CEP131: variants seen among roughly 807,000 people sequenced by gnomAD.
CEP131 encodes centrosomal protein 131, also known as centrosomal protein of 131 kDa.
Under a neutral mutation model 136.8 loss-of-function variants are expected in CEP131, and 99 were observed. The ratio of observed to expected loss-of-function variants is 0.72; its 90% CI spans 0.62 to 0.86. The LOEUF (loss-of-function observed/expected upper bound fraction) is 0.86. CEP131 is among the 40% of genes least tolerant of loss of function. The pLI is 0.00. For missense variants in CEP131, 1,459 were observed against 1,463.0 expected (o/e 1.00, Z 0.04); for synonymous variants, 646 against 612.7 (o/e 1.05, Z -0.80).
chr17:81,192,693 G>A (rs900505906), intron 19 of CEP131, 43 bp downstream of exon 19: 19 of 1,437,118 alleles, frequency 1.3e-5, no homozygotes, highest in Admixed American at 3.8e-5. Context: ...GGGTCAGCCA[G>A]CGAGGGGTCC....
Position 81,198,923 on chromosome 17 carries a change from G to T in CEP131, c.1241C>A (p.Ser414Tyr). The T allele has an allele frequency of 6.3e-7, 1 of 1,593,272 alleles. No homozygotes were observed. Among genetic ancestry groups the T allele is most frequent in the Non-Finnish European group, 8.5e-7 (1 of 1,171,078 alleles). Residue 414 changes from serine (S) to tyrosine (Y), a missense_variant, in exon 11 of 26, where the codon TCC becomes TAC. This residue lies in a region of CEP131 where 1,026 missense variants were observed against 964.2 expected (regional missense o/e 1.06). Coordinates refer to ENST00000450824, the MANE Select transcript of CEP131 (RefSeq NM_014984.4). ...AGPGDRCLPT[S>Y]DSSPEPQQPP... ...CTGCTGTGGTTCTGGGGATGAGTCGGAGGTGGGCAGGCAGCGGTCTCCGGG... is the reference window on the plus strand; with the variant it reads ...CTGCTGTGGTTCTGGGGATGAGTCGTAGGTGGGCAGGCAGCGGTCTCCGGG...
In CEP131 at chr17:81,199,750, T is replaced by A. The variant is rs2061848441; in HGVS notation, c.992A>T (p.Lys331Met). The A allele has an allele frequency of 6.2e-7, 1 of 1,610,696 alleles. No homozygotes were observed. The highest frequency in any genetic ancestry group is 1.3e-5 in the African/African-American group (1 of 74,926). ...EAARRKAREE[K>M]ARQARRAAIQ... ...GGCTGCTCGCCTGGCTTGGCGTGCC[T>A]TCTCCTCCCGGGCCTTCCTCCTGGC... The change falls in exon 9 of 26, where the codon AAG (lysine) becomes ATG (methionine). Residue 331 changes from lysine to methionine, a missense_variant. Physicochemically the swap from Lys to Met is moderately conservative, Grantham distance 95. Coordinates refer to ENST00000450824, the MANE Select transcript of CEP131 (RefSeq NM_014984.4).
intron 2 of CEP131, 149 bp from the exon 3 acceptor site, chr17:81,209,171 T>C (rs1293179425): frequency 3.1e-6 from 2 of 635,352 alleles, no homozygotes; most frequent in Non-Finnish European, 5.5e-6. Context: ...AGGCAGTGGG[T>C]GGTCAGAGGG....
intron 13 of CEP131, chr17:81,197,371 G>T: frequency 2.0e-6 from 1 of 493,632 alleles, no homozygotes. Flanking sequence ...GTTCACCCAG[G>T]ACAAACCAAC....
chr17:81,196,914 G>GTGCCAGCAGCGT lies in CEP131; in HGVS notation c.1773+4_1773+15dup. 1 of 1,608,938 alleles carries GTGCCAGCAGCGT rather than the reference G, an allele frequency of 6.2e-7. No homozygotes were observed. Among genetic ancestry groups the GTGCCAGCAGCGT allele is most frequent in the African/African-American group, 1.3e-5 (1 of 74,986 alleles). On this transcript the variant is annotated intron_variant, in intron 14 of 25. Coordinates refer to ENST00000450824, the MANE Select transcript of CEP131 (RefSeq NM_014984.4). The stretch of plus-strand genomic sequence containing the variant: ...AGGCTAGCAGGGCCCGGGATTAGCA[G>GTGCCAGCAGCGT]TGCCAGCAGCGTTACCAGCGCTCTC...
chr17:81,200,000 T>C, intron 8 of CEP131, 165 bp from the exon 9 acceptor site: 1 of 712,416 alleles, frequency 1.4e-6, no homozygotes, highest in East Asian at 2.6e-5. Context: ...GCCATTTCTC[T>C]GCTCTACAGA....
chr17:81,194,769 C>A, intron 17 of CEP131, 101 bp downstream of exon 17: 1 of 990,012 alleles, frequency 1.0e-6, no homozygotes, highest in East Asian at 2.4e-5. Flanking sequence ...CCAGGAAGGT[C>A]TCGGACTACA....
In CEP131 at chr17:81,206,877, A is replaced by G. The variant is rs755404543; in HGVS notation, c.388-6T>C. ...AAGCCCCGGGGCTGGTCATCCTGTCAGACAGCTCAGCCCATGACACCGCCC... is the reference window on the plus strand; with the variant it reads ...AAGCCCCGGGGCTGGTCATCCTGTCGGACAGCTCAGCCCATGACACCGCCC... On this transcript the variant is annotated splice_polypyrimidine_tract_variant and splice_region_variant and intron_variant, in intron 4 of 25. Transcript: ENST00000450824. The G allele has an allele frequency of 6.2e-7, 1 of 1,612,600 alleles. No individual in the cohort carries two copies. The highest frequency in any genetic ancestry group is 8.5e-7 in the Non-Finnish European group (1 of 1,179,652).
At position 81,203,437 on chromosome 17, in the gene CEP131, A is replaced by T; in HGVS notation, c.629+57T>A. 1 of 1,401,438 alleles carries T rather than the reference A, an allele frequency of 7.1e-7. No homozygotes were observed. The highest frequency in any genetic ancestry group is 9.8e-7 in the Non-Finnish European group (1 of 1,019,356). 86.8% of individuals were successfully genotyped at this position (1,401,438 alleles called of 1,614,324 possible). A position where few individuals can be genotyped will look rare whatever the true frequency, so the allele number is the denominator to read the frequency against. On this transcript the variant is annotated intron_variant, in intron 6 of 25. Coordinates refer to ENST00000450824, the MANE Select transcript of CEP131 (RefSeq NM_014984.4). The surrounding 1 kb of genome is among the most constrained non-coding windows in gnomAD (Gnocchi z 4.6). ...AGGTCGGACCCCAGGTGCACTGACT[A>T]CATGCCCTAACTGAGGTCGGACCCC...
chr17:81,194,737 G>A, intron 17 of CEP131, 133 bp downstream of exon 17: 1 of 814,846 alleles, frequency 1.2e-6, no homozygotes, highest in Non-Finnish European at 2.1e-6. Context: ...GGGGTGGTTG[G>A]GGCATGAGTG....
chr17:81,216,552 T>C (rs1302735949), intron 2 of CEP131, among the ~76,000 whole-genome samples: 2 of 152,082 alleles, frequency 1.3e-5, no homozygotes, highest in Admixed American at 1.3e-4. Flanking sequence ...GAAAAGAGAA[T>C]GCAGGAGCCC....
intron 8 of CEP131, chr17:81,200,053 G>C: frequency 1.6e-6 from 1 of 613,842 alleles, no homozygotes; most frequent in Admixed American, 2.9e-5. Context: ...TCTGGCGTGG[G>C]GGAGACAGCT....
chr17:81,220,120 C>T (rs2062354358), intron 1 of CEP131, 47 bp from the exon 2 acceptor site: 2 of 1,422,654 alleles, frequency 1.4e-6, no homozygotes, highest in African/African-American at 2.9e-5. Context: ...GGGGGAACTA[C>T]AGTCCCCTGC....
At chr17:81,193,696 A>T (rs1469983048) in intron 18 of CEP131, among the ~76,000 whole-genome samples, 2 of 152,196 alleles carry the variant, frequency 1.3e-5, no homozygotes, top group Non-Finnish European at 2.9e-5. Context: ...GCACCCATGC[A>T]GAACCTGCAG....
At chr17:81,214,253 G>A (rs1214255276) in intron 2 of CEP131, among the ~76,000 whole-genome samples, 1 of 152,148 alleles carries the variant, frequency 6.6e-6, no homozygotes, top group Non-Finnish European at 1.5e-5. Flanking sequence ...AACATAAAAG[G>A]TTTATTTTTA....
intron 25 of CEP131, 21 bp downstream of exon 25, chr17:81,189,894 G>C (rs2061600681): frequency 6.2e-6 from 10 of 1,612,622 alleles, no homozygotes; most frequent in Non-Finnish European, 8.5e-6. Flanking sequence ...AGGTCCAGCA[G>C]GGCTGGCCAC....
chr17:81,200,529 G>C (rs1023156684), intron 7 of CEP131, 83 bp from the exon 8 acceptor site: 6 of 1,050,268 alleles, frequency 5.7e-6, no homozygotes, highest in Non-Finnish European at 7.0e-6. Flanking sequence ...AGGTCGAGCC[G>C]GGGAAGAGAG....
chr17:81,206,785 T>C lies in CEP131; in HGVS notation c.474A>G (p.Glu158=). ...AGTTGGGGGCCAGGGCCACGGTGCA[T>C]TCTTTCCTCCGCGGGCCCGCTGGTG... ...LDSPAGPRRK[E]CTVALAPNFT... is the part of the protein sequence containing the mutation. The change falls in exon 5 of 26, where the codon GAA becomes GAG. Residue 158 remains glutamate (E), a synonymous_variant. Coordinates refer to ENST00000450824, the MANE Select transcript of CEP131 (RefSeq NM_014984.4). 1 of 1,614,130 alleles carries C rather than the reference T, an allele frequency of 6.2e-7. No homozygotes were observed.
At chr17:81,197,132 G>C in intron 13 of CEP131, 77 bp from the exon 14 acceptor site, 1 of 1,499,368 alleles carries the variant, frequency 6.7e-7, no homozygotes, top group South Asian at 1.3e-5. Flanking sequence ...ATGCCCCTGC[G>C]GCCCTGCCCT....
Sources: gnomAD v4.1 joint callset for allele counts (sites outside exome capture counted in the v4.1 genomes callset) on GRCh38, gnomAD v4.1.1 for gene constraint, gnomAD v4.1.1 regional missense constraint, Gnocchi (gnomAD v3.1) non-coding constraint, MANE v1.5 for transcripts, NCBI Gene and HGNC (gene_info 2026-07-23, HGNC 2026-07-21) for gene names.